The following KLRD1 variants were observed in gnomAD, a reference collection of about 807,000 sequenced individuals.
The protein encoded by KLRD1 is killer cell lectin like receptor D1, also known as natural killer cells antigen CD94.
In KLRD1, 21 loss-of-function variants were observed where a neutral mutation model predicts 22.6. The ratio of observed to expected loss-of-function variants is 0.93; its 90% CI spans 0.66 to 1.34. The LOEUF is 1.34. KLRD1 is among the 40% of genes most tolerant of loss of function. The pLI, the probability that KLRD1 is intolerant of heterozygous loss-of-function variation, is 0.00. For synonymous variants in KLRD1, 59 were observed against 71.1 expected (o/e 0.83, Z 0.85); for missense variants, 183 against 208.6 (o/e 0.88, Z 0.76).
At chr12:10,288,067 C>CAAA (rs35335784) in intron 1 of KLRD1, among the ~76,000 whole-genome samples, 1 of 92,948 alleles carries the variant, frequency 1.1e-5, no homozygotes. Context: ...GACTCTGTCT[C>CAAA]AAAAAAAAAA....
chr12:10,278,305 A>G (rs1479956874), intron 1 of KLRD1, among the ~76,000 whole-genome samples: 1 of 152,192 alleles, frequency 6.6e-6, no homozygotes, highest in Non-Finnish European at 1.5e-5. Flanking sequence ...TGTGAAAATA[A>G]TCCATGTCAG....
chr12:10,294,480 C>T (rs921969800), intron 1 of KLRD1, among the ~76,000 whole-genome samples: 1 of 152,090 alleles, frequency 6.6e-6, no homozygotes, highest in Non-Finnish European at 1.5e-5. Flanking sequence ...CTCACTGCAA[C>T]CTCTGCCTCC....
At chr12:10,243,809 A>T (rs924903080) in intron 1 of KLRD1, among the ~76,000 whole-genome samples, 2 of 152,134 alleles carry the variant, frequency 1.3e-5, no homozygotes, top group Non-Finnish European at 2.9e-5. Flanking sequence ...TCTCATTGGT[A>T]GCGGTTTTAG....
At position 10,260,588 on chromosome 12, in the gene KLRD1, G is replaced by T. The variant is rs370291027; in HGVS notation, c.-101+34355G>T. On this transcript the variant is annotated intron_variant, in intron 1 of 5. Transcript: ENST00000544747. ...GAGGCCGAGGTGGGTGGGTCACGAG[G>T]TCAGGAATTCAAGACCAGCCTGACC... is the stretch of plus-strand genomic sequence containing the variant. 1.8e-3 allele frequency among the ~76,000 whole-genome samples: 274 copies of T among 152,088 alleles called. 6 individuals carry two copies. The South Asian group carries it at 0.052, about 29-fold the overall frequency.
At chr12:10,257,058 A>G (rs762728614) in intron 1 of KLRD1, among the ~76,000 whole-genome samples, 4 of 151,390 alleles carry the variant, frequency 2.6e-5, no homozygotes, top group Non-Finnish European at 2.9e-5. Flanking sequence ...CTTCTGCTGG[A>G]CACTCCACTG....
At chr12:10,303,897 G>T (rs1949888266), upstream of KLRD1, among the ~76,000 whole-genome samples, 1 of 152,140 alleles carries the variant, frequency 6.6e-6, no homozygotes, top group East Asian at 1.9e-4. Flanking sequence ...GCAAAAGTCT[G>T]TTTAAGTAAA....
rs1950218367 is a variant in KLRD1, at chr12:10,316,079, C to T, written c.*1286C>T. 1 of 136,578 alleles carries T rather than the reference C, an allele frequency of 7.3e-6. No individual in the cohort carries two copies. Among genetic ancestry groups the T allele is most frequent in the Non-Finnish European group, 1.5e-5 (1 of 66,216 alleles). The allele number at this position is 136,578 out of a possible 1,614,324, so 8.5% of individuals were successfully genotyped here. A position where few individuals can be genotyped will look rare whatever the true frequency, so the allele number is the denominator to read the frequency against. On this transcript the variant is annotated 3_prime_UTR_variant, in exon 6 of 6. Transcript: ENST00000336164. ...GTTGCAGTGAGTCGAGATTGCACCA[C>T]TGCACTCCAGCCTGGGTGACAGAGC...
chr12:10,292,977 A>G (rs1016460469), intron 1 of KLRD1, among the ~76,000 whole-genome samples: 36 of 149,618 alleles, frequency 2.4e-4, no homozygotes, highest in Non-Finnish European at 5.0e-4. Flanking sequence ...TATTATTTAG[A>G]TGGCTTCTTT....
intron 4 of KLRD1, 23 bp downstream of exon 4, chr12:10,311,638 T>G: frequency 1.2e-6 from 2 of 1,608,350 alleles, no homozygotes; most frequent in Non-Finnish European, 1.7e-6. Flanking sequence ...TCTGATTTTC[T>G]ACATTTTCTT....
At chr12:10,239,673 ACT>A (rs1320506026) in intron 1 of KLRD1, among the ~76,000 whole-genome samples, 1 of 144,896 alleles carries the variant, frequency 6.9e-6, no homozygotes, top group Non-Finnish European at 1.5e-5. Context: ...ACAGAGTCTC[ACT>A]CTGTTGCCCA....
At chr12:10,274,895 C>G (rs207472651) in intron 1 of KLRD1, among the ~76,000 whole-genome samples, 9 of 151,658 alleles carry the variant, frequency 5.9e-5, no homozygotes, top group Admixed American at 3.9e-4. Context: ...TGTTTTGTAT[C>G]TTTTTCTTTT....
chr12:10,253,293 G>T (rs979770893), intron 1 of KLRD1, among the ~76,000 whole-genome samples: 1 of 152,124 alleles, frequency 6.6e-6, no homozygotes, highest in Non-Finnish European at 1.5e-5. Flanking sequence ...CCTTGCAGCT[G>T]TCCCGCAGGT....
upstream of KLRD1, among the ~76,000 whole-genome samples, chr12:10,307,237 TAAA>T (rs1220953875): frequency 1.3e-5 from 2 of 151,938 alleles, no homozygotes; most frequent in African/African-American, 4.8e-5. Flanking sequence ...ATAAGGAAAA[TAAA>T]GAAGCTGAAG....
Position 10,315,395 on chromosome 12 carries a change from G to C in KLRD1, c.*602G>C. The C allele has an allele frequency of 3.0e-6, 1 of 332,676 alleles. No homozygotes were observed. The highest frequency in any genetic ancestry group is 2.3e-5 in the South Asian group (1 of 42,574). 20.6% of individuals were successfully genotyped at this position (332,676 alleles called of 1,614,324 possible). On this transcript the variant is annotated 3_prime_UTR_variant, in exon 6 of 6. Coordinates refer to ENST00000336164, the MANE Select transcript of KLRD1 (RefSeq NM_002262.5). Reference sequence around the variant, plus strand: ...CCCACCTTGGATTCCCAAAGTGCTGGGATTATAGGTGTGAACCACCATCCC... The same window carrying C: ...CCCACCTTGGATTCCCAAAGTGCTGCGATTATAGGTGTGAACCACCATCCC...
In KLRD1 at chr12:10,317,173, A is replaced by G. The variant is rs1253179131; in HGVS notation, c.*2380A>G. ...TATATGTGCCATATTTTCTTTATCC[A>G]GTCTATCACTGATGGGCATTTGGGT... On this transcript the variant is annotated 3_prime_UTR_variant, in exon 6 of 6. Coordinates refer to ENST00000336164, the MANE Select transcript of KLRD1 (RefSeq NM_002262.5). The G allele has an allele frequency of 6.6e-6, 1 of 152,088 alleles. No individual in the cohort carries two copies. The highest frequency in any genetic ancestry group is 1.9e-4 in the East Asian group (1 of 5,204). The allele number at this position is 152,088 out of a possible 1,614,324, so 9.4% of individuals were successfully genotyped here.
At chr12:10,268,297 T>C (rs1949518075) in intron 1 of KLRD1, among the ~76,000 whole-genome samples, 1 of 152,190 alleles carries the variant, frequency 6.6e-6, no homozygotes, top group African/African-American at 2.4e-5. Context: ...GGTCAACAGA[T>C]GCAGGGTAAG....
At chr12:10,311,951 AT>A (rs1950081276) in intron 4 of KLRD1, among the ~76,000 whole-genome samples, 1 of 151,978 alleles carries the variant, frequency 6.6e-6, no homozygotes, top group African/African-American at 2.4e-5. Context: ...TTTTAATTGA[AT>A]TTATAATATC....
At chr12:10,276,347 G>T (rs1289972208) in intron 1 of KLRD1, among the ~76,000 whole-genome samples, 1 of 151,936 alleles carries the variant, frequency 6.6e-6, no homozygotes, top group Non-Finnish European at 1.5e-5. Context: ...TCGGTATATG[G>T]GTATAAATGT....
intron 1 of KLRD1, among the ~76,000 whole-genome samples, chr12:10,282,908 A>G (rs1388147256): frequency 1.3e-5 from 2 of 152,186 alleles, no homozygotes; most frequent in Non-Finnish European, 2.9e-5. Context: ...AGAGGGAGGG[A>G]CTGAGCAGAA....
Sources: allele counts gnomAD v4.1 joint callset (sites outside exome capture counted in the v4.1 genomes callset), GRCh38; gene constraint gnomAD v4.1.1; transcripts MANE v1.5; gene names NCBI Gene and HGNC (gene_info 2026-07-23, HGNC 2026-07-21).